SMC2: variants seen among roughly 807,000 people sequenced by gnomAD.
SMC2 encodes the protein structural maintenance of chromosomes protein 2.
A neutral mutation model predicts 142.6 loss-of-function variants in SMC2; 41 were observed. The ratio of observed to expected loss-of-function variants is 0.29; its 90% confidence interval spans 0.22 to 0.37. The LOEUF (loss-of-function observed/expected upper bound fraction) is 0.37. Ranked by LOEUF, SMC2 falls within the 10% of genes least tolerant of loss-of-function variation. The probability of loss-of-function intolerance (pLI) is 1.00; values close to 1 mark genes in which losing one functional copy is unlikely to be tolerated. For missense variants in SMC2, 1,265 were observed against 1,373.7 expected (o/e 0.92, Z 1.25); for synonymous variants, 463 against 457.5 (o/e 1.01, Z -0.15).
chr9:104,132,190 C>T, intron 22 of SMC2, 65 bp downstream of exon 22: 1 of 827,884 alleles, frequency 1.2e-6, no homozygotes, highest in Admixed American at 2.4e-5. Context: ...TGGAGTTATA[C>T]TCTATAAGAA....
chr9:104,114,148 A>G, intron 12 of SMC2, 67 bp downstream of exon 12: 2 of 1,015,026 alleles, frequency 2.0e-6, no homozygotes, highest in Non-Finnish European at 2.8e-6. Flanking sequence ...AGCTGGAAGC[A>G]GTGTGAAAAT....
rs749859821 is a variant in SMC2, at chr9:104,129,844, G to A, written c.2990G>A (p.Arg997Gln). ...AMNVLTEAEE[R>Q]YNDLMKKKRI... ...AATGTATTGACAGAAGCTGAAGAGC[G>A]AGTAAGTCAATTTCTTATGAATATC... Residue 997 changes from arginine (R) to glutamine (Q), a missense_variant and splice_region_variant, in exon 21 of 25, where the codon CGA (arginine) becomes CAA (glutamine). By Grantham distance (43) the Arg-to-Gln change is conservative. This residue lies in a region of SMC2 where 192 missense variants were observed against 261.9 expected (regional missense o/e 0.73). Transcript: ENST00000374793. The A allele has an allele frequency of 3.7e-6, 6 of 1,611,050 alleles. No homozygotes were observed. Among genetic ancestry groups the A allele is most frequent in the East Asian group, 2.2e-5 (1 of 44,826 alleles).
intron 18 of SMC2, among the ~76,000 whole-genome samples, chr9:104,125,381 C>T (rs1834154806): frequency 6.6e-6 from 1 of 152,064 alleles, no homozygotes; most frequent in South Asian, 2.1e-4. Context: ...TACTCAGTTA[C>T]TCTGTATAAT....
rs1830358052 is a variant in SMC2 at position 104,095,558 on chromosome 9, G to A, written c.168+6G>A. ...GCATCTCCAACCTGTCTCAGGTAAAGTGTAAACTTTCTGATTTATTTGAAT... is the reference window on the plus strand; with the variant it reads ...GCATCTCCAACCTGTCTCAGGTAAAATGTAAACTTTCTGATTTATTTGAAT... On this transcript the variant is annotated splice_donor_region_variant and intron_variant, in intron 2 of 24. Coordinates refer to ENST00000374793, the MANE Select transcript of SMC2 (RefSeq NM_006444.3). 1.2e-6 allele frequency: 2 copies of A among 1,609,478 alleles called. No homozygotes were observed. Among genetic ancestry groups the A allele is most frequent in the Non-Finnish European group, 8.5e-7 (1 of 1,176,698 alleles).
At position 104,102,182 on chromosome 9, in the gene SMC2, A is replaced by C; in HGVS notation, c.859A>C (p.Arg287=). 6.5e-7 allele frequency: 1 copy of C among 1,529,076 alleles called. No homozygotes were observed. The highest frequency in any genetic ancestry group is 1.4e-5 in the African/African-American group (1 of 72,472). 94.7% of individuals were successfully genotyped at this position (1,529,076 alleles called of 1,614,324 possible). A position where few individuals can be genotyped will look rare whatever the true frequency, so the allele number is the denominator to read the frequency against. ...TCATGAAATAGAAGAATTGGAAAAA[A>C]GAAAAGATAAGGTCTGAACATATGT... ...LNHEIEELEK[R]KDKETGGILR... Residue 287 remains arginine (R), a synonymous_variant, in exon 8 of 25, where the codon AGA becomes CGA. Coordinates refer to ENST00000374793, the MANE Select transcript of SMC2 (RefSeq NM_006444.3).
At chr9:104,130,588 AT>A (rs199955837) in intron 21 of SMC2, among the ~76,000 whole-genome samples, 11 of 136,150 alleles carry the variant, frequency 8.1e-5, no homozygotes, top group South Asian at 4.2e-4. Context: ...TTTTACCATA[AT>A]TTTTTTTAAC....
At position 104,124,460 on chromosome 9, in the gene SMC2, C is replaced by T. The variant is rs187361147; in HGVS notation, c.2258-452C>T. 3.4e-4 allele frequency among the ~76,000 whole-genome samples: 52 copies of T among 151,970 alleles called. 1 individual carries two copies. Among genetic ancestry groups the T allele is most frequent in the African/African-American group, 1.1e-3 (47 of 41,442 alleles). ...CCAGGCATACTGTCATATTATTTGTCGACTTTAATGAGAAGTTCCCTGAAT... is the reference window on the plus strand; with the variant it reads ...CCAGGCATACTGTCATATTATTTGTTGACTTTAATGAGAAGTTCCCTGAAT... On this transcript the variant is annotated intron_variant, in intron 17 of 24. Coordinates refer to ENST00000374793, the MANE Select transcript of SMC2 (RefSeq NM_006444.3).
At chr9:104,092,325 T>G (rs1829997539), upstream of SMC2, 1 of 152,218 alleles carries the variant, frequency 6.6e-6, no homozygotes, top group South Asian at 2.1e-4. Context: ...TGCACTTGTG[T>G]ATGTTTTCAT....
At position 104,123,184 on chromosome 9, in the gene SMC2, T is replaced by C. The variant is rs772632686; in HGVS notation, c.2209T>C (p.Ser737Pro). Residue 737 changes from serine (S) to proline (P), a missense_variant, in exon 17 of 25, where the codon TCA becomes CCA. Around this residue, in one of 4 missense-constraint regions of SMC2, gnomAD observed 898 missense variants for 904.2 expected, o/e 0.99. Transcript: ENST00000374793. The part of the protein sequence containing the change: ...DLLQTKLQQS[S>P]YHKQQEELDA... ...ATTACAAACCAAGCTCCAGCAAAGC[T>C]CATATCACAAGCAACAAGAAGAATT... is the stretch of plus-strand genomic sequence containing the variant. 2.5e-6 allele frequency: 4 copies of C among 1,612,752 alleles called. No homozygotes were observed. The highest frequency in any genetic ancestry group is 3.4e-6 in the Non-Finnish European group (4 of 1,179,342).
chr9:104,131,650 C>CTTTT (rs34656812), intron 21 of SMC2, among the ~76,000 whole-genome samples: 5 of 132,474 alleles, frequency 3.8e-5, no homozygotes, highest in Non-Finnish European at 6.4e-5. Flanking sequence ...ATATGTAACA[C>CTTTT]TTTTTTTTTT....
intron 5 of SMC2, 44 bp from the exon 6 acceptor site, chr9:104,100,049 C>A: frequency 9.4e-7 from 1 of 1,068,956 alleles, no homozygotes; most frequent in Non-Finnish European, 1.4e-6. Context: ...TCCAGTTGGA[C>A]ACATTGTCTT....
intron 7 of SMC2, among the ~76,000 whole-genome samples, chr9:104,101,251 G>A (rs1487902027): frequency 6.6e-6 from 1 of 152,116 alleles, no homozygotes; most frequent in Non-Finnish European, 1.5e-5. Context: ...CGTTTTTAAA[G>A]CTATCTCCTT....
In SMC2 at chr9:104,118,376, G is replaced by T. The variant is rs767465504; in HGVS notation, c.1996+1G>T. 1.9e-5 allele frequency: 30 copies of T among 1,609,676 alleles called. No homozygotes were observed. The highest frequency in any genetic ancestry group is 2.2e-5 in the Non-Finnish European group (26 of 1,177,082). Reference sequence around the variant, plus strand: ...GATCCTCATGGGACATTGAGTGGAGGTAAGTTTTATATCCTTTTCTCCTCA... The same window carrying T: ...GATCCTCATGGGACATTGAGTGGAGTTAAGTTTTATATCCTTTTCTCCTCA... On this transcript the variant is annotated splice_donor_variant, in intron 15 of 24. Coordinates refer to ENST00000374793, the MANE Select transcript of SMC2 (RefSeq NM_006444.3). LOFTEE classifies it high-confidence loss of function.
chr9:104,091,250 T>TTA (rs1396479481), upstream of SMC2, among the ~76,000 whole-genome samples: 1 of 152,230 alleles, frequency 6.6e-6, no homozygotes, highest in Non-Finnish European at 1.5e-5. Flanking sequence ...AACCTACATA[T>TTA]TATAGCCTTA....
At chr9:104,131,331 A>G (rs1454145850) in intron 21 of SMC2, among the ~76,000 whole-genome samples, 2 of 152,174 alleles carry the variant, frequency 1.3e-5, no homozygotes, top group African/African-American at 4.8e-5. Flanking sequence ...AAAAGACCAT[A>G]TGGCCAGAAC....
intron 22 of SMC2, among the ~76,000 whole-genome samples, chr9:104,134,076 A>C (rs1341238125): frequency 6.6e-6 from 1 of 152,092 alleles, no homozygotes; most frequent in Non-Finnish European, 1.5e-5. Context: ...AAGTGTCAAA[A>C]CTTTGGACTA....
At chr9:104,102,225 ACT>A (rs1277130231) in intron 8 of SMC2, 32 bp downstream of exon 8, 1 of 1,306,808 alleles carries the variant, frequency 7.7e-7, no homozygotes, top group Non-Finnish European at 1.1e-6. Flanking sequence ...TCGATAATAT[ACT>A]CTGTGAAAAA....
chr9:104,129,764 G>C lies in SMC2; in HGVS notation c.2910G>C (p.Gln970His). The C allele has an allele frequency of 6.2e-7, 1 of 1,613,954 alleles. No homozygotes were observed. The highest frequency in any genetic ancestry group is 1.1e-5 in the South Asian group (1 of 91,076). Residue 970 changes from glutamine to histidine, a missense_variant, in exon 21 of 25, where the codon CAG becomes CAC. Gln to His is a conservative substitution (Grantham distance 24). Coordinates refer to ENST00000374793, the MANE Select transcript of SMC2 (RefSeq NM_006444.3). ...NNPKEAGQRL[Q>H]KLQEMKEKLG... Reference sequence around the variant, plus strand: ...CTAAAGAAGCTGGTCAGAGACTTCAGAAGTTGCAAGAAATGAAGGAGAAAC... The same window carrying C: ...CTAAAGAAGCTGGTCAGAGACTTCACAAGTTGCAAGAAATGAAGGAGAAAC...
At position 104,141,343 on chromosome 9, in the gene SMC2, C is replaced by G. The variant is rs1481452191; in HGVS notation, c.*2028C>G. 6.6e-6 allele frequency: 1 copy of G among 152,090 alleles called. No individual in the cohort carries two copies. The highest frequency in any genetic ancestry group is 1.5e-5 in the Non-Finnish European group (1 of 68,018). 9.4% of individuals were successfully genotyped at this position (152,090 alleles called of 1,614,324 possible). ...GCCCATGGACAAATCTTGTCAGTCT[C>G]CAGAACCTAAGATATACTACGTCAC... On this transcript the variant is annotated 3_prime_UTR_variant, in exon 25 of 25. Transcript: ENST00000374793.
Sources: allele counts gnomAD v4.1 joint callset (sites outside exome capture counted in the v4.1 genomes callset), GRCh38; gene constraint gnomAD v4.1.1; regional missense constraint gnomAD v4.1.1; transcripts MANE v1.5; gene names NCBI Gene and HGNC (gene_info 2026-07-23, HGNC 2026-07-21).